The following PDS5B variants were observed in gnomAD, a reference collection of about 807,000 sequenced individuals.
PDS5B encodes the protein sister chromatid cohesion protein PDS5 homolog B.
In PDS5B, 51 loss-of-function variants were observed where a neutral mutation model predicts 184.1. The observed-to-expected ratio is 0.28, with a 90% confidence interval of 0.22 to 0.35. The LOEUF (loss-of-function observed/expected upper bound fraction) is 0.35, where lower values mean the gene tolerates loss of function less well. PDS5B is among the 10% of genes least tolerant of loss of function. PDS5B has a pLI of 1.00. For synonymous variants in PDS5B, 566 were observed against 569.2 expected (o/e 0.99, Z 0.08); for missense variants, 1,180 against 1,723.3 (o/e 0.68, Z 5.58).
chr13:32,642,622 C>G (rs1229172527), intron 1 of PDS5B, among the ~76,000 whole-genome samples: 1 of 152,166 alleles, frequency 6.6e-6, no homozygotes, highest in Non-Finnish European at 1.5e-5. Flanking sequence ...GTTCATAAGA[C>G]TGAAGTGCAA....
At chr13:32,686,274 C>T (rs1397531932) in intron 11 of PDS5B, among the ~76,000 whole-genome samples, 2 of 152,178 alleles carry the variant, frequency 1.3e-5, no homozygotes, top group East Asian at 3.8e-4. Flanking sequence ...GAATACATTT[C>T]CCTTATACTT....
intron 1 of PDS5B, among the ~76,000 whole-genome samples, chr13:32,610,445 TG>T (rs2058123424): frequency 6.6e-6 from 1 of 152,184 alleles, no homozygotes; most frequent in African/African-American, 2.4e-5. Flanking sequence ...ATGTTAAGTA[TG>T]ATTGTTAGTA....
chr13:32,636,412 C>T (rs1242607585), intron 1 of PDS5B, among the ~76,000 whole-genome samples: 1 of 152,178 alleles, frequency 6.6e-6, no homozygotes, highest in African/African-American at 2.4e-5. Context: ...TGTTACTAAA[C>T]TTGGCATGTA....
At chr13:32,620,311 G>A (rs1234477398) in intron 1 of PDS5B, among the ~76,000 whole-genome samples, 3 of 152,186 alleles carry the variant, frequency 2.0e-5, no homozygotes, top group South Asian at 2.1e-4. Flanking sequence ...TCCTTATGTT[G>A]TTGATTTCTT....
intron 1 of PDS5B, among the ~76,000 whole-genome samples, chr13:32,603,651 A>C (rs1443720655): frequency 6.6e-6 from 1 of 152,138 alleles, no homozygotes; most frequent in East Asian, 1.9e-4. Context: ...TGGTAGCTTG[A>C]TGGGGATGGC....
At chr13:32,670,240 A>G (rs1448355805) in intron 7 of PDS5B, among the ~76,000 whole-genome samples, 2 of 152,042 alleles carry the variant, frequency 1.3e-5, no homozygotes, top group Non-Finnish European at 2.9e-5. Flanking sequence ...TGTTTGAGAC[A>G]GAGTCTTGCT....
At chr13:32,623,377 A>C (rs925881754) in intron 1 of PDS5B, among the ~76,000 whole-genome samples, 1 of 152,186 alleles carries the variant, frequency 6.6e-6, no homozygotes, top group Non-Finnish European at 1.5e-5. Context: ...TCTTAGTAGA[A>C]TTGAGGCCCC....
chr13:32,587,716 C>T (rs568422594), intron 1 of PDS5B, among the ~76,000 whole-genome samples: 2 of 152,214 alleles, frequency 1.3e-5, no homozygotes, highest in Non-Finnish European at 2.9e-5. Context: ...CAGCCTCTCT[C>T]CCCCAGCGAG....
At position 32,692,414 on chromosome 13, in the gene PDS5B, C is replaced by CTATTTTTTTTTTTTTTTTTTTTTTTTT. The variant is rs1593440334; in HGVS notation, c.1470-1809_1470-1808insTATTTTTTTTTTTTTTTTTTTTTTTTT. Among the ~76,000 whole-genome samples the CTATTTTTTTTTTTTTTTTTTTTTTTTT allele has an allele frequency of 2.9e-5, 2 of 69,124 alleles. 1 individual carries two copies. The highest frequency in any genetic ancestry group is 1.0e-4 in the African/African-American group (2 of 19,828). 45.3% of individuals were successfully genotyped at this position (69,124 alleles called of 152,430 possible). On this transcript the variant is annotated intron_variant, in intron 13 of 34. Transcript: ENST00000315596. ...ATTAAACAAGTTTGCGTCCAAAAAGCCTTTTTTTTTTTTTTTTTTTTTTTT... is the reference window on the plus strand; with the variant it reads ...ATTAAACAAGTTTGCGTCCAAAAAGCTATTTTTTTTTTTTTTTTTTTTTTTTTCTTTTTTTTTTTTTTTTTTTTTTTT...
At chr13:32,773,990 G>C (rs1954877463) in intron 34 of PDS5B, among the ~76,000 whole-genome samples, 1 of 152,086 alleles carries the variant, frequency 6.6e-6, no homozygotes, top group South Asian at 2.1e-4. Context: ...TTTTAGTGCA[G>C]ACAGGGTTTT....
intron 13 of PDS5B, chr13:32,689,444 T>C (rs149592308): frequency 6.6e-6 from 1 of 152,250 alleles, no homozygotes; most frequent in African/African-American, 2.4e-5. Context: ...GGCACTGGAA[T>C]TTGTATTATG....
chr13:32,771,293 C>G (rs1196271490), intron 33 of PDS5B, among the ~76,000 whole-genome samples: 1 of 152,096 alleles, frequency 6.6e-6, no homozygotes, highest in Non-Finnish European at 1.5e-5. Context: ...GTTCATTTAT[C>G]TACATCAACA....
At chr13:32,655,372 A>ATG (rs1166180181) in intron 3 of PDS5B, among the ~76,000 whole-genome samples, 19,895 of 49,946 alleles carry the variant, frequency 0.4, 4,047 homozygotes, top group Non-Finnish European at 0.45. Context: ...ATATATATAT[A>ATG]TATTTTTTTT....
intron 2 of PDS5B, chr13:32,649,174 C>G: frequency 4.2e-6 from 1 of 235,880 alleles, no homozygotes; most frequent in Non-Finnish European, 8.1e-6. Flanking sequence ...AAGTTGTCTC[C>G]TTTCTTCTAT....
intron 28 of PDS5B, 112 bp from the exon 29 acceptor site, chr13:32,759,516 A>G (rs1469927069): frequency 2.1e-6 from 1 of 485,920 alleles, no homozygotes. Context: ...TTTGTGTTTC[A>G]TATGATAATT....
At chr13:32,678,085 G>C (rs1008964096) in intron 9 of PDS5B, among the ~76,000 whole-genome samples, 2 of 152,042 alleles carry the variant, frequency 1.3e-5, no homozygotes, top group African/African-American at 2.4e-5. Flanking sequence ...TTAGAAGAGA[G>C]AGGAGCCTGT....
intron 1 of PDS5B, among the ~76,000 whole-genome samples, chr13:32,593,859 G>A (rs1312097594): frequency 6.6e-6 from 1 of 152,058 alleles, no homozygotes; most frequent in Non-Finnish European, 1.5e-5. Context: ...AGAGGAGGTG[G>A]AAGAGGAGGC....
intron 30 of PDS5B, among the ~76,000 whole-genome samples, chr13:32,762,893 A>G (rs1394212928): frequency 6.6e-6 from 1 of 152,148 alleles, no homozygotes; most frequent in Non-Finnish European, 1.5e-5. Context: ...CATTGCTCAG[A>G]GATCTTAATT....
chr13:32,701,388 G>A lies in PDS5B; in HGVS notation c.1806G>A (p.Lys602=), dbSNP rs1248015672. 3 of 1,612,724 alleles carry A rather than the reference G, an allele frequency of 1.9e-6. No homozygotes were observed. Among genetic ancestry groups the A allele is most frequent in the Non-Finnish European group, 2.5e-6 (3 of 1,179,036 alleles). The change falls in exon 17 of 35, where the codon AAG becomes AAA. Residue 602 remains lysine, a synonymous_variant. Coordinates refer to ENST00000315596, the MANE Select transcript of PDS5B (RefSeq NM_015032.4). ...QPTNPFLEMI[K]FLLERIAPVH... is the part of the protein sequence containing the mutation. ...CAAATCCTTTCCTGGAAATGATCAA[G>A]TTTCTCTTGGAGAGGATAGCACCTG...
Sources: gnomAD v4.1 joint callset for allele counts (sites outside exome capture counted in the v4.1 genomes callset) on GRCh38, gnomAD v4.1.1 for gene constraint, MANE v1.5 for transcripts, NCBI Gene and HGNC (gene_info 2026-07-23, HGNC 2026-07-21) for gene names.